The following FYCO1 variants were observed in gnomAD, a reference collection of about 807,000 sequenced individuals.
The protein encoded by FYCO1 is FYVE and coiled-coil domain autophagy adaptor 1.
A neutral mutation model predicts 165.1 loss-of-function variants in FYCO1; 122 were observed. That is an observed-to-expected ratio of 0.74 (90% CI 0.64 to 0.86). The LOEUF is 0.86. FYCO1 is among the 40% of genes least tolerant of loss of function. The probability of loss-of-function intolerance (pLI) is 0.00; values close to 1 mark genes in which losing one functional copy is unlikely to be tolerated. For synonymous variants in FYCO1, 648 were observed against 742.5 expected, an observed-to-expected ratio of 0.87 and a Z score of 2.07; for missense variants, 1,702 against 1,810.3, an observed-to-expected ratio of 0.94 and a Z score of 1.09.
intron 5 of FYCO1, among the ~76,000 whole-genome samples, chr3:45,974,075 C>G (rs989537223): frequency 3.9e-5 from 6 of 152,014 alleles, no homozygotes; most frequent in African/African-American, 1.5e-4. Context: ...CTACCCCAAC[C>G]CTTGCCCAAA....
chr3:45,960,744 T>C (rs1250368624), intron 11 of FYCO1, among the ~76,000 whole-genome samples: 1 of 152,176 alleles, frequency 6.6e-6, no homozygotes. Flanking sequence ...GCTAATCAGA[T>C]TGTATGTGCC....
chr3:45,920,463 G>A lies in FYCO1; in HGVS notation c.*1302C>T, dbSNP rs1703052117. On this transcript the variant is annotated 3_prime_UTR_variant, in exon 18 of 18. Transcript: ENST00000296137. ...TCTGTTCACCCATGGAAGAACCTGG[G>A]GCCTGACTGCAGGCAGCTGGTTCCA... is the stretch of plus-strand genomic sequence containing the variant. 1 of 152,248 alleles carries A rather than the reference G, an allele frequency of 6.6e-6. No individual in the cohort carries two copies. The highest frequency in any genetic ancestry group is 2.4e-5 in the African/African-American group (1 of 41,426). 9.4% of individuals were successfully genotyped at this position (152,248 alleles called of 1,614,324 possible). A position where few individuals can be genotyped will look rare whatever the true frequency, so the allele number is the denominator to read the frequency against.
intron 14 of FYCO1, chr3:45,940,946 C>A (rs949822773): frequency 6.6e-6 from 1 of 152,184 alleles, no homozygotes; most frequent in Admixed American, 6.5e-5. Flanking sequence ...AACCCCTGTA[C>A]GCGGTTTCCT....
chr3:45,976,355 C>A (rs1225533794), intron 4 of FYCO1, among the ~76,000 whole-genome samples: 1 of 152,210 alleles, frequency 6.6e-6, no homozygotes, highest in Non-Finnish European at 1.5e-5. Context: ...CAGCTGGGAG[C>A]ATATAATGGC....
chr3:45,985,972 C>T (rs555127211), intron 1 of FYCO1, among the ~76,000 whole-genome samples: 2 of 152,340 alleles, frequency 1.3e-5, no homozygotes, highest in African/African-American at 2.4e-5. Context: ...TGGTGGCAGC[C>T]GGCACTAAAT....
chr3:45,924,288 A>T lies in FYCO1; in HGVS notation c.4252-523T>A, dbSNP rs1363414005. ...CTCCTGGCTGTGCTTTGGCTGGTCCATGTGCCCCAGGACCCTTTCATCTTC... is the reference window on the plus strand; with the variant it reads ...CTCCTGGCTGTGCTTTGGCTGGTCCTTGTGCCCCAGGACCCTTTCATCTTC... On this transcript the variant is annotated intron_variant, in intron 16 of 17. Coordinates refer to ENST00000296137, the MANE Select transcript of FYCO1 (RefSeq NM_024513.4). Among the ~76,000 whole-genome samples, 3 of 152,268 alleles carry T rather than the reference A, an allele frequency of 2.0e-5. No homozygotes were observed. In the East Asian group the frequency reaches 5.8e-4, roughly 29 times the overall value.
intron 14 of FYCO1, among the ~76,000 whole-genome samples, chr3:45,951,895 C>T (rs1458071102): frequency 2.0e-5 from 3 of 152,198 alleles, no homozygotes; most frequent in African/African-American, 7.2e-5. Context: ...CAAACAACTT[C>T]CTTAGCCCCA....
At chr3:45,961,138 G>T (rs1388585699) in intron 11 of FYCO1, among the ~76,000 whole-genome samples, 1 of 152,218 alleles carries the variant, frequency 6.6e-6, no homozygotes, top group East Asian at 1.9e-4. Flanking sequence ...AATTGCAATA[G>T]ATGAATCTAA....
chr3:45,992,522 A>G (rs1234530643), intron 1 of FYCO1, among the ~76,000 whole-genome samples: 2 of 152,240 alleles, frequency 1.3e-5, no homozygotes, highest in East Asian at 3.8e-4. Context: ...AACAAAGATC[A>G]TGCCATGGTT....
chr3:45,989,453 C>T (rs898901553), intron 1 of FYCO1, among the ~76,000 whole-genome samples: 1 of 152,212 alleles, frequency 6.6e-6, no homozygotes, highest in Non-Finnish European at 1.5e-5. Context: ...AGGCAGACTG[C>T]CCTTCCCAGA....
chr3:45,923,527 G>A, intron 17 of FYCO1, 129 bp downstream of exon 17: 1 of 722,814 alleles, frequency 1.4e-6, no homozygotes, highest in Admixed American at 2.0e-5. Flanking sequence ...CAGGAGAGGG[G>A]TCAACAATCA....
intron 14 of FYCO1, among the ~76,000 whole-genome samples, chr3:45,952,735 G>C (rs1000469340): frequency 6.6e-6 from 1 of 152,190 alleles, no homozygotes; most frequent in Non-Finnish European, 1.5e-5. Flanking sequence ...CTGTAGGATA[G>C]TCACTTTCTC....
At chr3:45,950,314 T>C (rs1276891174) in intron 14 of FYCO1, among the ~76,000 whole-genome samples, 1 of 152,078 alleles carries the variant, frequency 6.6e-6, no homozygotes, top group African/African-American at 2.4e-5. Context: ...GCAGTACTTA[T>C]GGGCTCCAAT....
intron 2 of FYCO1, among the ~76,000 whole-genome samples, chr3:45,982,904 C>A (rs374757140): frequency 2.6e-5 from 4 of 152,188 alleles, no homozygotes; most frequent in South Asian, 4.1e-4. Flanking sequence ...GAGCCAGGGG[C>A]CTGGGAGAGA....
At chr3:45,986,575 TG>T (rs1451580852) in intron 1 of FYCO1, among the ~76,000 whole-genome samples, 2 of 152,190 alleles carry the variant, frequency 1.3e-5, no homozygotes, top group African/African-American at 4.8e-5. Flanking sequence ...AGGGCTTCTC[TG>T]GCTTAGGAAG....
intron 13 of FYCO1, 94 bp from the exon 14 acceptor site, chr3:45,955,487 T>C (rs1158079783): frequency 4.4e-6 from 6 of 1,361,790 alleles, no homozygotes; most frequent in Non-Finnish European, 5.2e-6. Flanking sequence ...AGAGTGCAGC[T>C]ATGCAGAACA....
rs140654562 is a variant in FYCO1 at position 45,959,464 on chromosome 3, T to C, written c.3516A>G (p.Gly1172=). 1.2e-4 allele frequency: 189 copies of C among 1,614,148 alleles called. No individual in the cohort carries two copies. In the African/African-American group the frequency reaches 2.4e-3, roughly 20 times the overall value. Residue 1172 remains glycine (G), a synonymous_variant, in exon 12 of 18, where the codon GGA becomes GGG. Transcript: ENST00000296137. ...CGAGGCAGTGGTTTGCCTCTGTGTC[T>C]CCGAGCCATCTCTCCTCAGCACTGA... The part of the protein sequence containing the change: ...QKLSAEERWL[G]DTEANHCLDC...
intron 15 of FYCO1, among the ~76,000 whole-genome samples, chr3:45,935,495 T>C (rs1381061603): frequency 1.3e-5 from 2 of 152,242 alleles, no homozygotes. Context: ...TCTCAGCCCC[T>C]GAACATGTCA....
intron 1 of FYCO1, 54 bp from the exon 2 acceptor site, chr3:45,985,076 G>A (rs765861185): frequency 3.3e-5 from 24 of 722,714 alleles, no homozygotes; most frequent in Non-Finnish European, 4.8e-5. Flanking sequence ...ACAATTTAAC[G>A]ACAATATTAG....
Sources: gnomAD v4.1 joint callset for allele counts (sites outside exome capture counted in the v4.1 genomes callset) on GRCh38, gnomAD v4.1.1 for gene constraint, MANE v1.5 for transcripts, NCBI Gene and HGNC (gene_info 2026-07-23, HGNC 2026-07-21) for gene names.